The following GRXCR1 variants were observed in gnomAD, a reference collection of about 807,000 sequenced individuals.
The protein encoded by GRXCR1 is glutaredoxin domain-containing cysteine-rich protein 1.
In GRXCR1, 27 loss-of-function variants were observed where a neutral mutation model predicts 27.3. The ratio of observed to expected loss-of-function variants is 0.99; its 90% CI spans 0.73 to 1.37. GRXCR1 has a LOEUF of 1.37. Among genes scored for constraint, GRXCR1 ranks in the 40% most tolerant of loss-of-function variants. GRXCR1 has a pLI of 0.00. For synonymous variants in GRXCR1, 122 were observed against 131.1 expected, an observed-to-expected ratio of 0.93 and a Z score of 0.47; for missense variants, 379 against 354.4, an observed-to-expected ratio of 1.07 and a Z score of -0.56.
chr4:42,918,675 A>G (rs554965938), intron 1 of GRXCR1, among the ~76,000 whole-genome samples: 1 of 152,208 alleles, frequency 6.6e-6, no homozygotes, highest in Non-Finnish European at 1.5e-5. Flanking sequence ...CTTTTGACAC[A>G]TGAGTTCTTT....
chr4:43,007,521 C>T (rs999349620), intron 2 of GRXCR1, among the ~76,000 whole-genome samples: 12 of 152,090 alleles, frequency 7.9e-5, no homozygotes, highest in South Asian at 2.1e-4. Context: ...AAGATCATTC[C>T]GGCCTCTGCA....
Position 43,030,403 on chromosome 4 carries a change from G to A in GRXCR1, c.736G>A (p.Gly246Ser). 1 of 1,614,022 alleles carries A rather than the reference G, an allele frequency of 6.2e-7. No homozygotes were observed. Among genetic ancestry groups the A allele is most frequent in the Non-Finnish European group, 8.5e-7 (1 of 1,179,992 alleles). The change falls in exon 4 of 4, where the codon GGC becomes AGC. Residue 246 changes from glycine to serine, a missense_variant. Physicochemically the swap from Gly to Ser is moderately conservative, Grantham distance 56. Transcript: ENST00000399770. ...PHECPSCGGF[G>S]FLPCSVCHGS... ...TGAGTGTCCCTCTTGTGGAGGCTTT[G>A]GCTTTCTTCCATGCTCCGTGTGCCA...
intron 3 of GRXCR1, among the ~76,000 whole-genome samples, chr4:43,025,732 T>A (rs1713235071): frequency 6.6e-6 from 1 of 152,188 alleles, no homozygotes; most frequent in African/African-American, 2.4e-5. Flanking sequence ...ATCCCAGCAC[T>A]TTGGGAGGCC....
At chr4:42,895,676 A>G (rs1746331981) in intron 1 of GRXCR1, among the ~76,000 whole-genome samples, 1 of 152,066 alleles carries the variant, frequency 6.6e-6, no homozygotes, top group African/African-American at 2.4e-5. Context: ...CACCCTACTC[A>G]ACATTATGTA....
chr4:43,007,020 A>G (rs2109800153), intron 2 of GRXCR1, among the ~76,000 whole-genome samples: 1 of 152,282 alleles, frequency 6.6e-6, no homozygotes, highest in Middle Eastern at 3.4e-3. Context: ...GTGTGTTGGG[A>G]AAGGGGAGCA....
intron 2 of GRXCR1, among the ~76,000 whole-genome samples, chr4:42,974,502 C>A (rs921887326): frequency 3.9e-5 from 6 of 152,134 alleles, no homozygotes; most frequent in African/African-American, 1.4e-4. Context: ...GGTCAGAGAG[C>A]AAGCTGATCT....
chr4:43,005,421 T>G (rs879591292), intron 2 of GRXCR1, among the ~76,000 whole-genome samples: 2 of 152,224 alleles, frequency 1.3e-5, no homozygotes, highest in African/African-American at 2.4e-5. Context: ...TTTATTATTA[T>G]AGCACAATCT....
chr4:43,028,732 A>G (rs1295055423), intron 3 of GRXCR1, among the ~76,000 whole-genome samples: 2 of 152,044 alleles, frequency 1.3e-5, no homozygotes, highest in East Asian at 3.9e-4. Flanking sequence ...TTCTATTTTA[A>G]TATTACACAA....
intron 1 of GRXCR1, among the ~76,000 whole-genome samples, chr4:42,918,159 G>A (rs1034147984): frequency 6.6e-6 from 1 of 152,044 alleles, no homozygotes; most frequent in Non-Finnish European, 1.5e-5. Flanking sequence ...GGTAGTGTCT[G>A]GTATCTGCTT....
chr4:42,899,488 G>T lies in GRXCR1; in HGVS notation c.384+5838G>T, dbSNP rs80025065. On this transcript the variant is annotated intron_variant, in intron 1 of 3. Transcript: ENST00000399770. ...TTTCTGCTTTCTTGTTGGTTTACCA[G>T]CCTCTATGCATTCCTCAGGCCAATG... is the stretch of plus-strand genomic sequence containing the variant. Among the ~76,000 whole-genome samples, 770 of 152,190 alleles carry T rather than the reference G, an allele frequency of 5.1e-3. 11 individuals are homozygous for T. Among genetic ancestry groups the T allele is most frequent in the African/African-American group, 0.017 (717 of 41,544 alleles).
intron 2 of GRXCR1, among the ~76,000 whole-genome samples, chr4:43,002,067 C>T (rs1712384162): frequency 6.6e-6 from 1 of 152,232 alleles, no homozygotes; most frequent in Non-Finnish European, 1.5e-5. Flanking sequence ...CGGTTTTTCT[C>T]CTATCTCAGA....
At chr4:42,948,085 T>C (rs1747789394) in intron 1 of GRXCR1, among the ~76,000 whole-genome samples, 1 of 152,196 alleles carries the variant, frequency 6.6e-6, no homozygotes, top group South Asian at 2.1e-4. Flanking sequence ...AAAAATTATC[T>C]AGATTCCTTT....
At chr4:42,958,194 C>A (rs1311095030) in intron 1 of GRXCR1, among the ~76,000 whole-genome samples, 1 of 151,982 alleles carries the variant, frequency 6.6e-6, no homozygotes, top group African/African-American at 2.4e-5. Flanking sequence ...GCTTCTTAAC[C>A]CTTGCTATGT....
intron 2 of GRXCR1, among the ~76,000 whole-genome samples, chr4:43,011,393 C>T (rs1397238115): frequency 3.9e-5 from 6 of 152,132 alleles, no homozygotes; most frequent in Non-Finnish European, 7.3e-5. Context: ...CCTCTGCTCC[C>T]TTCCTCCTGA....
chr4:42,921,910 A>C (rs2109751275), intron 1 of GRXCR1, among the ~76,000 whole-genome samples: 1 of 152,050 alleles, frequency 6.6e-6, no homozygotes, highest in Non-Finnish European at 1.5e-5. Flanking sequence ...TCCTGTGTCC[A>C]CATGCCTGTG....
chr4:42,911,476 G>A (rs1464375805), intron 1 of GRXCR1, among the ~76,000 whole-genome samples: 1 of 152,048 alleles, frequency 6.6e-6, no homozygotes, highest in African/African-American at 2.4e-5. Context: ...ACTGCAATAT[G>A]AAATATTGCA....
intron 3 of GRXCR1, among the ~76,000 whole-genome samples, chr4:43,025,990 A>AAG (rs1713247818): frequency 1.3e-5 from 2 of 152,062 alleles, no homozygotes; most frequent in African/African-American, 4.8e-5. Context: ...AAAAAAAAAA[A>AAG]AAGTGGAAGT....
At chr4:43,001,131 C>T (rs1273129152) in intron 2 of GRXCR1, among the ~76,000 whole-genome samples, 1 of 149,980 alleles carries the variant, frequency 6.7e-6, no homozygotes, top group African/African-American at 2.5e-5. Flanking sequence ...GACAAGGTTT[C>T]ACCATGTCAA....
intron 2 of GRXCR1, among the ~76,000 whole-genome samples, chr4:43,017,110 T>G (rs573267666): frequency 6.6e-6 from 1 of 152,196 alleles, no homozygotes; most frequent in Non-Finnish European, 1.5e-5. Flanking sequence ...CTGAATAAGA[T>G]GCAATGCTGA....
Sources: allele counts gnomAD v4.1 joint callset (sites outside exome capture counted in the v4.1 genomes callset), GRCh38; gene constraint gnomAD v4.1.1; transcripts MANE v1.5; gene names NCBI Gene and HGNC (gene_info 2026-07-23, HGNC 2026-07-21).